PIGF: variants seen among roughly 807,000 people sequenced by gnomAD.
PIGF encodes GPI ethanolamine phosphate transferase, stabilizing subunit.
PIGF carries 23 observed loss-of-function variants against 26.0 expected under a neutral mutation model. That is an observed-to-expected ratio of 0.88 (90% CI 0.64 to 1.25). The LOEUF is 1.25. Among genes scored for constraint, PIGF ranks in the 50% most tolerant of loss-of-function variants. PIGF has a pLI of 0.00. For synonymous variants in PIGF, 93 were observed against 92.6 expected (o/e 1.00, Z -0.03); for missense variants, 278 against 249.9 (o/e 1.11, Z -0.76).
At chr2:46,586,059 C>T (rs1669562509) in intron 5 of PIGF, among the ~76,000 whole-genome samples, 1 of 152,208 alleles carries the variant, frequency 6.6e-6, no homozygotes, top group African/African-American at 2.4e-5. Context: ...CAGGCGTGAG[C>T]CACCGCGCCC....
intron 4 of PIGF, among the ~76,000 whole-genome samples, chr2:46,600,567 G>A (rs1670025470): frequency 6.6e-6 from 1 of 152,174 alleles, no homozygotes; most frequent in South Asian, 2.1e-4. Flanking sequence ...AACTATTGAT[G>A]ATCCCATTCT....
chr2:46,598,857 A>G (rs1669970158), intron 4 of PIGF, among the ~76,000 whole-genome samples: 1 of 152,220 alleles, frequency 6.6e-6, no homozygotes, highest in Non-Finnish European at 1.5e-5. Flanking sequence ...CACTATTTTT[A>G]AACAACAGCA....
rs182919091 is a variant in PIGF, at chr2:46,582,748, T to C, written c.547-1157A>G. 338 of 152,746 alleles carry C rather than the reference T, an allele frequency of 2.2e-3. 1 individual carries two copies. The highest frequency in any genetic ancestry group is 3.0e-3 in the Non-Finnish European group (205 of 67,994). The allele number at this position is 152,746 out of a possible 1,614,324, so 9.5% of individuals were successfully genotyped here. On this transcript the variant is annotated intron_variant, in intron 5 of 5. Transcript: ENST00000281382. ...TATACTTGAAAATGACAGCCTTAAA[T>C]GCTCATATCAGTCACAAATCTAGGA...
chr2:46,585,419 A>C (rs1232883640), intron 5 of PIGF, among the ~76,000 whole-genome samples: 1 of 152,236 alleles, frequency 6.6e-6, no homozygotes, highest in Non-Finnish European at 1.5e-5. Context: ...GGAAGAAGAA[A>C]AATCTAATTA....
chr2:46,612,217 T>A lies in PIGF; in HGVS notation c.437+11A>T. On this transcript the variant is annotated intron_variant, in intron 4 of 5. Transcript: ENST00000281382. ...ATTTCAATATCATTATAATATAAAA[T>A]TAAAACTTACCCATTTCTACTGAAC... is the stretch of plus-strand genomic sequence containing the variant. The A allele has an allele frequency of 1.2e-6, 1 of 835,978 alleles. No individual in the cohort carries two copies. Among genetic ancestry groups the A allele is most frequent in the Non-Finnish European group, 1.7e-6 (1 of 579,132 alleles). The allele number at this position is 835,978 out of a possible 1,614,324, so 51.8% of individuals were successfully genotyped here.
chr2:46,605,073 T>C (rs1366261147), intron 4 of PIGF, among the ~76,000 whole-genome samples: 1 of 152,080 alleles, frequency 6.6e-6, no homozygotes, highest in Non-Finnish European at 1.5e-5. Flanking sequence ...AATTTCAATA[T>C]AACTAGTAAT....
At chr2:46,601,306 T>C (rs1670047112) in intron 4 of PIGF, among the ~76,000 whole-genome samples, 1 of 152,110 alleles carries the variant, frequency 6.6e-6, no homozygotes, top group South Asian at 2.1e-4. Flanking sequence ...CCAGCCTTCA[T>C]GACACTGTGC....
rs979827357 is a variant in PIGF, at chr2:46,613,782, T to C, written c.232A>G (p.Thr78Ala). Residue 78 changes from threonine (T) to alanine (A), a missense_variant, in exon 3 of 6, where the codon ACT becomes GCT. Transcript: ENST00000281382. ...TAGATACAGCATTTCAAAAATCCAG[T>C]TACCTAAAAGAGAAATGAATAACCT... ...SKRSSLSHKV[T>A]GFLKCCIYFL... 2 of 1,542,066 alleles carry C rather than the reference T, an allele frequency of 1.3e-6. No homozygotes were observed. Among genetic ancestry groups the C allele is most frequent in the Admixed American group, 1.9e-5 (1 of 53,124 alleles).
At chr2:46,600,922 T>C (rs1246554604) in intron 4 of PIGF, among the ~76,000 whole-genome samples, 4 of 151,836 alleles carry the variant, frequency 2.6e-5, no homozygotes, top group South Asian at 2.1e-4. Flanking sequence ...TATATATATA[T>C]AATTAATACA....
intron 4 of PIGF, among the ~76,000 whole-genome samples, chr2:46,596,794 A>C (rs963866287): frequency 1.3e-5 from 2 of 152,158 alleles, no homozygotes; most frequent in Non-Finnish European, 2.9e-5. Flanking sequence ...TCCCTGACTC[A>C]CGCCCCTTCT....
chr2:46,606,828 A>C (rs1401929535), intron 4 of PIGF, among the ~76,000 whole-genome samples: 1 of 152,228 alleles, frequency 6.6e-6, no homozygotes, highest in Non-Finnish European at 1.5e-5. Flanking sequence ...CAACAACCAA[A>C]ATGCAAAATG....
chr2:46,607,429 A>C (rs1006862419), intron 4 of PIGF, among the ~76,000 whole-genome samples: 1 of 152,360 alleles, frequency 6.6e-6, no homozygotes, highest in African/African-American at 2.4e-5. Flanking sequence ...AGAATAAAGC[A>C]AATTGTACAA....
chr2:46,591,958 C>A, intron 5 of PIGF: 1 of 1,302,858 alleles, frequency 7.7e-7, no homozygotes, highest in Middle Eastern at 2.1e-4. Context: ...TCAATTTGGC[C>A]ATCAATCAAG....
chr2:46,598,658 G>C (rs1042058984), intron 4 of PIGF, among the ~76,000 whole-genome samples: 4 of 150,836 alleles, frequency 2.7e-5, no homozygotes, highest in Admixed American at 6.7e-5. Flanking sequence ...CACTCCTGTA[G>C]TGGTTGCCTG....
intron 4 of PIGF, among the ~76,000 whole-genome samples, chr2:46,609,684 C>T (rs1670342831): frequency 6.6e-6 from 1 of 151,678 alleles, no homozygotes; most frequent in Non-Finnish European, 1.5e-5. Flanking sequence ...TCTCAGGGAA[C>T]AGGGACGGGA....
chr2:46,586,819 T>C (rs1482173541), intron 5 of PIGF, among the ~76,000 whole-genome samples: 1 of 152,218 alleles, frequency 6.6e-6, no homozygotes, highest in Non-Finnish European at 1.5e-5. Context: ...CAGGAATACA[T>C]GCACAAATGA....
At chr2:46,597,790 G>A (rs935959359) in intron 4 of PIGF, among the ~76,000 whole-genome samples, 36 of 152,122 alleles carry the variant, frequency 2.4e-4, no homozygotes, top group African/African-American at 7.2e-4. Flanking sequence ...CTGGTTTCCC[G>A]TCCTCTGTAG....
chr2:46,587,813 A>C (rs1669624442), intron 5 of PIGF, among the ~76,000 whole-genome samples: 1 of 152,248 alleles, frequency 6.6e-6, no homozygotes, highest in Admixed American at 6.5e-5. Context: ...ACAACGGTCA[A>C]GGCATGTAAT....
In PIGF at chr2:46,615,649, A is replaced by AT. The variant is rs1006546863; in HGVS notation, c.-21-465dup. 15 of 156,002 alleles carry AT rather than the reference A, an allele frequency of 9.6e-5. 1 individual carries two copies. The highest frequency in any genetic ancestry group is 1.4e-4 in the Non-Finnish European group (10 of 70,434). The allele number at this position is 156,002 out of a possible 1,614,324, so 9.7% of individuals were successfully genotyped here. A position where few individuals can be genotyped will look rare whatever the true frequency, so the allele number is the denominator to read the frequency against. Reference sequence around the variant, plus strand: ...AATATACTTAGGCTGAATTGTTGGTATTTTTTTTTACTCTTGTCTAACATT... The same window carrying AT: ...AATATACTTAGGCTGAATTGTTGGTATTTTTTTTTTACTCTTGTCTAACATT... On this transcript the variant is annotated intron_variant, in intron 1 of 5. Transcript: ENST00000281382.
Sources: gnomAD v4.1 joint callset for allele counts (sites outside exome capture counted in the v4.1 genomes callset) on GRCh38, gnomAD v4.1.1 for gene constraint, MANE v1.5 for transcripts, NCBI Gene and HGNC (gene_info 2026-07-23, HGNC 2026-07-21) for gene names.